ARHGAP42: variants seen among roughly 807,000 people sequenced by gnomAD.
The protein encoded by ARHGAP42 is rho GTPase-activating protein 42.
ARHGAP42 carries 63 observed loss-of-function variants against 125.0 expected under a neutral mutation model. That is an observed-to-expected ratio of 0.50 (90% CI 0.41 to 0.62). The LOEUF (loss-of-function observed/expected upper bound fraction) is 0.62, where lower values mean the gene tolerates loss of function less well. Among genes scored for constraint, ARHGAP42 ranks in the 20% least tolerant of loss-of-function variants. ARHGAP42 has a pLI of 0.00. For synonymous variants in ARHGAP42, 339 were observed against 351.0 expected (o/e 0.97, Z 0.38); for missense variants, 766 against 1,024.2 (o/e 0.75, Z 3.44).
chr11:100,914,462 A>T (rs1462733699), intron 5 of ARHGAP42, among the ~76,000 whole-genome samples: 3 of 150,806 alleles, frequency 2.0e-5, no homozygotes, highest in Admixed American at 6.7e-5. Flanking sequence ...GTGTCCAAAA[A>T]AAATAAATAA....
chr11:100,918,227 CTT>C (rs1867129936), intron 5 of ARHGAP42, among the ~76,000 whole-genome samples: 1 of 152,148 alleles, frequency 6.6e-6, no homozygotes, highest in Non-Finnish European at 1.5e-5. Context: ...CATAGCTTCT[CTT>C]TTCCTGACTC....
rs1857915240 is a variant in ARHGAP42, at chr11:100,960,094, A to G, written c.1225+149A>G. 3 of 699,718 alleles carry G rather than the reference A, an allele frequency of 4.3e-6. No individual in the cohort carries two copies. In the South Asian group the frequency reaches 6.0e-5, roughly 14 times the overall value. The allele number at this position is 699,718 out of a possible 1,614,324, so 43.3% of individuals were successfully genotyped here. The stretch of plus-strand genomic sequence containing the variant: ...ATATAAATGTATGTATCGGTATACA[A>G]ATAGCTATACCTTGAGCTTCAGTTT... On this transcript the variant is annotated intron_variant, in intron 13 of 23. Coordinates refer to ENST00000298815, the MANE Select transcript of ARHGAP42 (RefSeq NM_152432.4).
chr11:100,805,202 G>A lies in ARHGAP42; in HGVS notation c.312+10036G>A, dbSNP rs192051064. On this transcript the variant is annotated intron_variant, in intron 3 of 23. Coordinates refer to ENST00000298815, the MANE Select transcript of ARHGAP42 (RefSeq NM_152432.4). ...CTCAAAGGCACATAACTAATACGTG[G>A]TACCGCAAGGGTTTGAACCCATGCT... Among the ~76,000 whole-genome samples the A allele has an allele frequency of 6.4e-3, 970 of 152,254 alleles. 10 individuals are homozygous for A. The highest frequency in any genetic ancestry group is 9.6e-3 in the Non-Finnish European group (652 of 68,012).
intron 1 of ARHGAP42, among the ~76,000 whole-genome samples, chr11:100,764,022 CTT>C (rs1862771924): frequency 1.4e-5 from 2 of 140,914 alleles, no homozygotes; most frequent in African/African-American, 5.5e-5. Context: ...TCTTCTTCTT[CTT>C]CTTTTTTTTT....
In ARHGAP42 at chr11:100,992,434, C is replaced by A. The variant is rs200190230; in HGVS notation, c.*3633C>A. 1 of 1,613,984 alleles carries A rather than the reference C, an allele frequency of 6.2e-7. No homozygotes were observed. The highest frequency in any genetic ancestry group is 1.3e-5 in the African/African-American group (1 of 74,930). On this transcript the variant is annotated 3_prime_UTR_variant, in exon 24 of 24. Coordinates refer to ENST00000298815, the MANE Select transcript of ARHGAP42 (RefSeq NM_152432.4). ...TGACTAAAGGTTTCCCCTTAGGGTA[C>A]ACATTGCTATTTAACTTTGCCTCCT...
At chr11:100,787,168 C>T (rs971860294) in intron 2 of ARHGAP42, among the ~76,000 whole-genome samples, 17 of 151,894 alleles carry the variant, frequency 1.1e-4, no homozygotes, top group South Asian at 2.1e-4. Flanking sequence ...GTCCCAGCTA[C>T]TCAGGAGGCT....
chr11:100,783,089 A>T (rs768352333), intron 2 of ARHGAP42, among the ~76,000 whole-genome samples: 1 of 152,126 alleles, frequency 6.6e-6, no homozygotes, highest in Non-Finnish European at 1.5e-5. Context: ...AGATCCTTTA[A>T]TTTTATGGAG....
At chr11:100,745,414 G>A (rs1303233940) in intron 1 of ARHGAP42, among the ~76,000 whole-genome samples, 1 of 152,140 alleles carries the variant, frequency 6.6e-6, no homozygotes, top group Admixed American at 6.5e-5. Context: ...CCGTTTTTAT[G>A]AGCCTCTGCA....
intron 4 of ARHGAP42, among the ~76,000 whole-genome samples, chr11:100,900,798 T>G (rs1010273984): frequency 1.3e-5 from 2 of 152,216 alleles, no homozygotes; most frequent in Non-Finnish European, 2.9e-5. Flanking sequence ...TTATTCTAGT[T>G]AGCCATTTGT....
At chr11:100,850,214 G>A (rs904003197) in intron 3 of ARHGAP42, among the ~76,000 whole-genome samples, 1 of 152,064 alleles carries the variant, frequency 6.6e-6, no homozygotes, top group Non-Finnish European at 1.5e-5. Context: ...TTTTAATAGG[G>A]AAAATAACTA....
intron 15 of ARHGAP42, among the ~76,000 whole-genome samples, chr11:100,961,972 AG>A (rs1857966774): frequency 6.6e-6 from 1 of 152,220 alleles, no homozygotes; most frequent in Non-Finnish European, 1.5e-5. Flanking sequence ...ATAATTTAAA[AG>A]GCTATATAAT....
chr11:100,893,758 G>A (rs1403666717), intron 4 of ARHGAP42, among the ~76,000 whole-genome samples: 1 of 151,956 alleles, frequency 6.6e-6, no homozygotes, highest in African/African-American at 2.4e-5. Context: ...AAGCTTTTAG[G>A]AATTTTCCTA....
chr11:100,943,655 C>A, intron 9 of ARHGAP42, 104 bp from the exon 10 acceptor site: 3 of 742,584 alleles, frequency 4.0e-6, no homozygotes, highest in South Asian at 2.1e-5. Flanking sequence ...TTATACATAA[C>A]CTATACTGTT....
chr11:100,920,012 C>G (rs1183507922), intron 5 of ARHGAP42, among the ~76,000 whole-genome samples: 2 of 152,110 alleles, frequency 1.3e-5, no homozygotes, highest in African/African-American at 2.4e-5. Flanking sequence ...TTAATTAATT[C>G]TTATGTATAT....
intron 3 of ARHGAP42, among the ~76,000 whole-genome samples, chr11:100,837,666 CT>C (rs373059302): frequency 0.039 from 2,352 of 59,550 alleles, 16 homozygotes; most frequent in Non-Finnish European, 0.054. Context: ...AGGTGTCATC[CT>C]TTTTTTTTTT....
At chr11:100,944,317 A>C (rs536845386) in intron 10 of ARHGAP42, among the ~76,000 whole-genome samples, 1 of 152,248 alleles carries the variant, frequency 6.6e-6, no homozygotes, top group South Asian at 2.1e-4. Context: ...TCCTGTGTGC[A>C]AAGCACTGTT....
At chr11:100,701,185 C>G (rs1036323056) in intron 1 of ARHGAP42, among the ~76,000 whole-genome samples, 13 of 150,206 alleles carry the variant, frequency 8.7e-5, no homozygotes, top group African/African-American at 3.2e-4. Flanking sequence ...TCTAACCACA[C>G]AGCGGATTAA....
intron 1 of ARHGAP42, among the ~76,000 whole-genome samples, chr11:100,700,171 T>G (rs2048875970): frequency 6.6e-6 from 1 of 152,228 alleles, no homozygotes; most frequent in Non-Finnish European, 1.5e-5. Context: ...ACATAGTCTA[T>G]TAAATGTGCA....
intron 4 of ARHGAP42, among the ~76,000 whole-genome samples, chr11:100,909,542 T>C (rs1866852437): frequency 6.6e-6 from 1 of 152,040 alleles, no homozygotes; most frequent in Admixed American, 6.6e-5. Flanking sequence ...CAGGGTTTCA[T>C]CATGTTGGCC....
Sources: gnomAD v4.1 joint callset for allele counts (sites outside exome capture counted in the v4.1 genomes callset) on GRCh38, gnomAD v4.1.1 for gene constraint, MANE v1.5 for transcripts, NCBI Gene and HGNC (gene_info 2026-07-23, HGNC 2026-07-21) for gene names.